ANKRD28: variants seen among roughly 807,000 people sequenced by gnomAD.
The protein encoded by ANKRD28 is serine/threonine-protein phosphatase 6 regulatory ankyrin repeat subunit A.
A neutral mutation model predicts 126.5 loss-of-function variants in ANKRD28; 44 were observed. The ratio of observed to expected loss-of-function variants is 0.35; its 90% CI spans 0.27 to 0.45. The LOEUF is 0.45. Among genes scored for constraint, ANKRD28 ranks in the 20% least tolerant of loss-of-function variants. The probability of loss-of-function intolerance (pLI) is 1.00; values close to 1 mark genes in which losing one functional copy is unlikely to be tolerated. For missense variants in ANKRD28, 1,110 were observed against 1,316.6 expected, an observed-to-expected ratio of 0.84 and a Z score of 2.43; for synonymous variants, 442 against 468.5, an observed-to-expected ratio of 0.94 and a Z score of 0.73.
intron 5 of ANKRD28, among the ~76,000 whole-genome samples, chr3:15,736,418 A>G (rs932037151): frequency 1.3e-5 from 2 of 152,208 alleles, no homozygotes; most frequent in African/African-American, 4.8e-5. Context: ...GGCAGCCACT[A>G]GCTCCCAGCC....
chr3:15,685,766 C>T (rs1245174431), intron 20 of ANKRD28, among the ~76,000 whole-genome samples: 1 of 152,106 alleles, frequency 6.6e-6, no homozygotes, highest in Non-Finnish European at 1.5e-5. Flanking sequence ...GTCAAATTGA[C>T]ATTAATTCTA....
At chr3:15,763,049 T>C (rs1345089088) in intron 3 of ANKRD28, among the ~76,000 whole-genome samples, 1 of 152,202 alleles carries the variant, frequency 6.6e-6, no homozygotes, top group East Asian at 1.9e-4. Context: ...ATTTCTTTAT[T>C]TTTTTTGTTT....
At chr3:15,749,404 G>A (rs1237415032) in intron 4 of ANKRD28, among the ~76,000 whole-genome samples, 14 of 152,048 alleles carry the variant, frequency 9.2e-5, no homozygotes, top group Non-Finnish European at 1.6e-4. Flanking sequence ...GAGCCACCGC[G>A]CCCGGCCTAT....
At chr3:15,762,608 T>C (rs556757940) in intron 3 of ANKRD28, among the ~76,000 whole-genome samples, 85 of 152,202 alleles carry the variant, frequency 5.6e-4, no homozygotes, top group Non-Finnish European at 1.1e-3. Context: ...CCTTCCTCTT[T>C]ATCATTTCAG....
intron 1 of ANKRD28, among the ~76,000 whole-genome samples, chr3:15,824,358 G>A (rs1053212427): frequency 1.3e-5 from 2 of 152,038 alleles, no homozygotes; most frequent in Non-Finnish European, 2.9e-5. Flanking sequence ...ATTTCACCAC[G>A]TTGCCCAGGC....
intron 4 of ANKRD28, among the ~76,000 whole-genome samples, chr3:15,743,582 A>ACG (rs1559454757): frequency 2.0e-5 from 3 of 150,698 alleles, no homozygotes; most frequent in African/African-American, 7.4e-5. Context: ...ACACACACAC[A>ACG]CACACACACA....
At chr3:15,708,499 TA>T (rs898579572) in intron 13 of ANKRD28, among the ~76,000 whole-genome samples, 5 of 151,798 alleles carry the variant, frequency 3.3e-5, no homozygotes, top group African/African-American at 7.2e-5. Context: ...GAAGAAACAT[TA>T]AAAAAAATGT....
At chr3:15,761,245 T>A (rs369698135) in intron 3 of ANKRD28, among the ~76,000 whole-genome samples, 1 of 152,166 alleles carries the variant, frequency 6.6e-6, no homozygotes, top group Non-Finnish European at 1.5e-5. Flanking sequence ...AGATTATACC[T>A]ACCTGCTACT....
intron 1 of ANKRD28, among the ~76,000 whole-genome samples, chr3:15,832,269 G>A (rs1332932462): frequency 6.6e-6 from 1 of 152,174 alleles, no homozygotes; most frequent in Non-Finnish European, 1.5e-5. Context: ...GTTAAATGTG[G>A]TAAGTGAAAA....
At chr3:15,828,228 T>C (rs2061111772) in intron 1 of ANKRD28, among the ~76,000 whole-genome samples, 1 of 152,174 alleles carries the variant, frequency 6.6e-6, no homozygotes, top group African/African-American at 2.4e-5. Flanking sequence ...TTGCAGGGAA[T>C]GGTAAATAAG....
intron 6 of ANKRD28, among the ~76,000 whole-genome samples, chr3:15,725,737 C>T (rs1265123768): frequency 5.3e-5 from 8 of 152,178 alleles, no homozygotes. Context: ...GCATCACAAA[C>T]TGCACTCATA....
At chr3:15,852,351 T>G (rs2061670525) in intron 1 of ANKRD28, among the ~76,000 whole-genome samples, 1 of 152,234 alleles carries the variant, frequency 6.6e-6, no homozygotes, top group African/African-American at 2.4e-5. Flanking sequence ...ATAAATGTAA[T>G]TCTCATCTAT....
At chr3:15,694,160 A>G (rs2069193200) in intron 17 of ANKRD28, among the ~76,000 whole-genome samples, 1 of 152,088 alleles carries the variant, frequency 6.6e-6, no homozygotes, top group Non-Finnish European at 1.5e-5. Context: ...TTCTCATTTG[A>G]CTTAAAAAAT....
At chr3:15,803,350 G>C (rs1484193206) in intron 1 of ANKRD28, among the ~76,000 whole-genome samples, 1 of 152,142 alleles carries the variant, frequency 6.6e-6, no homozygotes, top group Non-Finnish European at 1.5e-5. Flanking sequence ...CGTGCACGGT[G>C]GCTCACACCT....
At chr3:15,671,552 T>C (rs2066352235) in intron 27 of ANKRD28, among the ~76,000 whole-genome samples, 1 of 151,896 alleles carries the variant, frequency 6.6e-6, no homozygotes, top group Non-Finnish European at 1.5e-5. Context: ...TTTCCTTGCT[T>C]TCAACTTGGA....
chr3:15,680,867 A>G (rs1439663254), intron 21 of ANKRD28, among the ~76,000 whole-genome samples: 3 of 152,100 alleles, frequency 2.0e-5, no homozygotes, highest in Non-Finnish European at 4.4e-5. Context: ...AAGTTTTGCC[A>G]TGTTGCTCAG....
At position 15,750,517 on chromosome 3, in the gene ANKRD28, C is replaced by T. The variant is rs1448128214; in HGVS notation, c.351+1233G>A. On this transcript the variant is annotated intron_variant, in intron 4 of 27. Transcript: ENST00000683139. ...CATAAGCTATAGCACATCAAGGACC[C>T]AGTTCAGAGTTAGGTTGTGTGTTCA... Among the ~76,000 whole-genome samples the T allele has an allele frequency of 2.0e-5, 3 of 152,184 alleles. No homozygotes were observed. In the East Asian group the frequency reaches 5.8e-4, roughly 29 times the overall value.
intron 27 of ANKRD28, among the ~76,000 whole-genome samples, chr3:15,673,771 T>C (rs1252516548): frequency 6.6e-6 from 1 of 152,140 alleles, no homozygotes; most frequent in Non-Finnish European, 1.5e-5. Context: ...AAGATCACAA[T>C]GCATGTATAA....
chr3:15,827,157 A>G (rs1308079732), intron 1 of ANKRD28, among the ~76,000 whole-genome samples: 7 of 152,138 alleles, frequency 4.6e-5, no homozygotes, highest in Non-Finnish European at 1.0e-4. Context: ...ACCCCTACCC[A>G]CTGTTGGGGA....
Sources: gnomAD v4.1 joint callset for allele counts (sites outside exome capture counted in the v4.1 genomes callset) on GRCh38, gnomAD v4.1.1 for gene constraint, MANE v1.5 for transcripts, NCBI Gene and HGNC (gene_info 2026-07-23, HGNC 2026-07-21) for gene names.